Variants in PXYLP1 observed in about 807,000 individuals in gnomAD.
PXYLP1 encodes the protein acid phosphatase-like 2.
Under a neutral mutation model 37.9 loss-of-function variants are expected in PXYLP1, and 17 were observed. That is an observed-to-expected ratio of 0.45 (90% CI 0.31 to 0.67). PXYLP1 has a LOEUF of 0.67. PXYLP1 is among the 30% of genes least tolerant of loss of function. PXYLP1 has a pLI of 0.07. For missense variants in PXYLP1, 511 were observed against 612.0 expected (o/e 0.84, Z 1.74); for synonymous variants, 221 against 232.2 (o/e 0.95, Z 0.44).
intron 2 of PXYLP1, among the ~76,000 whole-genome samples, chr3:141,275,282 C>T (rs1336573968): frequency 6.6e-6 from 1 of 152,232 alleles, no homozygotes; most frequent in African/African-American, 2.4e-5. Flanking sequence ...GGGTCATTTG[C>T]ACCCAACCAC....
intron 2 of PXYLP1, among the ~76,000 whole-genome samples, chr3:141,266,879 T>G (rs1941529727): frequency 6.6e-6 from 1 of 152,126 alleles, no homozygotes; most frequent in Admixed American, 6.5e-5. Flanking sequence ...TAACAATGCT[T>G]GATAGAACAG....
At chr3:141,236,641 A>T (rs1940664738) in intron 1 of PXYLP1, among the ~76,000 whole-genome samples, 1 of 152,202 alleles carries the variant, frequency 6.6e-6, no homozygotes, top group Non-Finnish European at 1.5e-5. Flanking sequence ...TTGAGCTTTT[A>T]ACCGTAAAAT....
chr3:141,282,239 A>T (rs972384958), intron 4 of PXYLP1, among the ~76,000 whole-genome samples: 1 of 152,120 alleles, frequency 6.6e-6, no homozygotes, highest in Admixed American at 6.5e-5. Flanking sequence ...CAGGCACTGT[A>T]TGCTGCCTCA....
intron 1 of PXYLP1, chr3:141,235,529 C>T (rs1940638832): frequency 6.6e-6 from 1 of 152,282 alleles, no homozygotes; most frequent in Admixed American, 6.5e-5. Context: ...CTTCATCTCA[C>T]CTGAGGTGCT....
chr3:141,257,923 A>AG lies in PXYLP1; in HGVS notation c.-53-2200_-53-2199insG, dbSNP rs1472795550. ...CTGTCTCAAAAAAAAAAAAAAAAAA[A>AG]AAAGAGAGAGAGAGAGAAAGAAAGA... On this transcript the variant is annotated intron_variant, in intron 1 of 5. Coordinates refer to ENST00000286353, the MANE Select transcript of PXYLP1 (RefSeq NM_001037172.3). Among the ~76,000 whole-genome samples, 227 of 141,672 alleles carry AG rather than the reference A, an allele frequency of 1.6e-3. 1 individual carries two copies. Among genetic ancestry groups the AG allele is most frequent in the African/African-American group, 6.5e-3 (214 of 32,672 alleles). The allele number at this position is 141,672 out of a possible 152,430, so 92.9% of individuals were successfully genotyped here.
intron 1 of PXYLP1, 142 bp from the exon 2 acceptor site, chr3:141,259,973 GCTGTTGTT>G (rs1212603965): frequency 3.3e-6 from 2 of 603,842 alleles, no homozygotes; most frequent in Non-Finnish European, 5.8e-6. Context: ...CATAGAGCAT[GCTGTTGTT>G]CTCCAGCTAG....
intron 4 of PXYLP1, among the ~76,000 whole-genome samples, chr3:141,281,870 G>A (rs1023499676): frequency 7.2e-5 from 11 of 152,158 alleles, no homozygotes; most frequent in African/African-American, 2.2e-4. Flanking sequence ...AGGCTCAAGC[G>A]TGGAGTGGAA....
intron 1 of PXYLP1, among the ~76,000 whole-genome samples, chr3:141,251,169 T>C (rs1482486339): frequency 6.6e-6 from 1 of 152,222 alleles, no homozygotes; most frequent in Non-Finnish European, 1.5e-5. Context: ...TAACAATGGA[T>C]TAAAATGCTG....
chr3:141,235,765 G>A lies in PXYLP1; in HGVS notation c.-54+3854G>A, dbSNP rs993078942. Among the ~76,000 whole-genome samples the A allele has an allele frequency of 3.3e-5, 5 of 152,330 alleles. No individual in the cohort carries two copies. The East Asian group carries it at 5.8e-4, about 18-fold the overall frequency. On this transcript the variant is annotated intron_variant, in intron 1 of 5. Coordinates refer to ENST00000286353, the MANE Select transcript of PXYLP1 (RefSeq NM_001037172.3). ...GATGCTGCATGGCAGCCACGAGGAGGCACCCGTGAACCCAGAATGAATTTC... is the reference window on the plus strand; with the variant it reads ...GATGCTGCATGGCAGCCACGAGGAGACACCCGTGAACCCAGAATGAATTTC...
intron 1 of PXYLP1, among the ~76,000 whole-genome samples, chr3:141,256,877 A>G (rs1941276018): frequency 6.6e-6 from 1 of 152,138 alleles, no homozygotes; most frequent in Non-Finnish European, 1.5e-5. Flanking sequence ...CAGACCCCAG[A>G]GAGTATCAAG....
chr3:141,268,206 A>AGTGTGT (rs112453738), intron 2 of PXYLP1, among the ~76,000 whole-genome samples: 2 of 51,430 alleles, frequency 3.9e-5, no homozygotes, highest in Non-Finnish European at 1.1e-4. Flanking sequence ...AGAGAGAGAG[A>AGTGTGT]GTGTGTGTGT....
intron 4 of PXYLP1, among the ~76,000 whole-genome samples, chr3:141,287,023 C>T (rs1942091043): frequency 6.6e-6 from 1 of 152,146 alleles, no homozygotes; most frequent in South Asian, 2.1e-4. Flanking sequence ...GAGAGCGAGC[C>T]CGGAAGGCAG....
At chr3:141,251,444 C>T (rs1941139030) in intron 1 of PXYLP1, among the ~76,000 whole-genome samples, 1 of 152,176 alleles carries the variant, frequency 6.6e-6, no homozygotes, top group Admixed American at 6.5e-5. Context: ...ATTGGAAGAA[C>T]TTGACCACAT....
intron 1 of PXYLP1, among the ~76,000 whole-genome samples, chr3:141,245,037 C>T (rs1434112579): frequency 7.4e-6 from 1 of 135,600 alleles, no homozygotes. Context: ...AGAAATGCCA[C>T]TAACTCCCTT....
intron 2 of PXYLP1, among the ~76,000 whole-genome samples, chr3:141,266,459 C>T (rs1167947330): frequency 6.6e-6 from 1 of 151,956 alleles, no homozygotes; most frequent in Non-Finnish European, 1.5e-5. Flanking sequence ...AAGAGAGAGC[C>T]AAAAGAAAAT....
intron 1 of PXYLP1, among the ~76,000 whole-genome samples, chr3:141,259,038 G>A (rs1307190173): frequency 3.3e-5 from 5 of 152,216 alleles, no homozygotes; most frequent in African/African-American, 1.2e-4. Context: ...GGCTCTGGGA[G>A]TCTGGCTCCT....
In PXYLP1 at chr3:141,292,350, T is replaced by A. The variant is rs1287319604; in HGVS notation, c.588T>A (p.Ser196=). ...KKHKLLPNDW[S]ADQLYLETTG... is the part of the protein sequence containing the mutation. ...ACAAACTCCTGCCCAATGATTGGTC[T>A]GCAGACCAGCTCTATTTAGAGACCA... Residue 196 remains serine (S), a synonymous_variant, in exon 6 of 6, where the codon TCT becomes TCA. Coordinates refer to ENST00000286353, the MANE Select transcript of PXYLP1 (RefSeq NM_001037172.3). The surrounding 1 kb of genome is among the most constrained non-coding windows in gnomAD (Gnocchi z 4.3). 6.2e-7 allele frequency: 1 copy of A among 1,614,198 alleles called. No individual in the cohort carries two copies. Among genetic ancestry groups the A allele is most frequent in the Admixed American group, 1.7e-5 (1 of 60,026 alleles).
Position 141,287,473 on chromosome 3 carries a change from G to C in PXYLP1, c.505+20G>C. The stretch of plus-strand genomic sequence containing the variant: ...AGACAGGTATGTGTGACCCCCATGC[G>C]CTCAGGGGTTCCCCCACCCGCTCTT... On this transcript the variant is annotated intron_variant, in intron 5 of 5. Coordinates refer to ENST00000286353, the MANE Select transcript of PXYLP1 (RefSeq NM_001037172.3). The C allele has an allele frequency of 6.2e-7, 1 of 1,607,630 alleles. No individual in the cohort carries two copies. Among genetic ancestry groups the C allele is most frequent in the Non-Finnish European group, 8.5e-7 (1 of 1,176,190 alleles).
chr3:141,233,911 TAC>T (rs1163124684), intron 1 of PXYLP1, among the ~76,000 whole-genome samples: 1 of 152,210 alleles, frequency 6.6e-6, no homozygotes, highest in Non-Finnish European at 1.5e-5. Context: ...TGGCCCTCCC[TAC>T]ACCGCTCTGT....
Sources: allele counts gnomAD v4.1 joint callset (sites outside exome capture counted in the v4.1 genomes callset), GRCh38; gene constraint gnomAD v4.1.1; non-coding constraint Gnocchi (gnomAD v3.1); transcripts MANE v1.5; gene names NCBI Gene and HGNC (gene_info 2026-07-23, HGNC 2026-07-21).